The following UBA2 variants were observed in gnomAD, a reference collection of about 807,000 sequenced individuals.
The protein encoded by UBA2 is SUMO-activating enzyme subunit 2.
In UBA2, 11 loss-of-function variants were observed where a neutral mutation model predicts 77.2. The ratio of observed to expected loss-of-function variants is 0.14; its 90% CI spans 0.09 to 0.24. The LOEUF is 0.24. Ranked by LOEUF, UBA2 falls within the 10% of genes least tolerant of loss-of-function variation. The probability of loss-of-function intolerance (pLI) is 1.00; values close to 1 mark genes in which losing one functional copy is unlikely to be tolerated. For missense variants in UBA2, 487 were observed against 781.7 expected (o/e 0.62, Z 4.50); for synonymous variants, 278 against 276.7 (o/e 1.00, Z -0.05).
intron 13 of UBA2, among the ~76,000 whole-genome samples, chr19:34,460,182 C>T (rs193247332): frequency 1.3e-5 from 2 of 152,268 alleles, no homozygotes; most frequent in Admixed American, 1.3e-4. Context: ...GTGTGTAGCT[C>T]ACTACCTAAC....
chr19:34,450,417 AAAGTCTTTGTAT>A, intron 9 of UBA2, 53 bp downstream of exon 9: 1 of 1,313,518 alleles, frequency 7.6e-7, no homozygotes, highest in African/African-American at 1.5e-5. Context: ...ATCCTCGCGT[AAAGTCTTTGTAT>A]AGCCCTGTTG....
chr19:34,468,659 T>C (rs1342006144), intron 16 of UBA2, among the ~76,000 whole-genome samples: 2 of 152,232 alleles, frequency 1.3e-5, no homozygotes, highest in East Asian at 3.8e-4. Context: ...TGAGTTGTCA[T>C]ATGCACAGTG....
intron 9 of UBA2, among the ~76,000 whole-genome samples, chr19:34,451,132 G>T (rs563418086): frequency 6.6e-6 from 1 of 152,202 alleles, no homozygotes; most frequent in Non-Finnish European, 1.5e-5. Flanking sequence ...CTCCTGAGTA[G>T]CTGGGACTGT....
intron 9 of UBA2, among the ~76,000 whole-genome samples, chr19:34,451,150 T>A (rs2075491079): frequency 6.6e-6 from 1 of 151,968 alleles, no homozygotes. Context: ...TGTATGCAAC[T>A]GTGCCCAGCA....
At chr19:34,437,387 A>G (rs1599894077) in intron 5 of UBA2, among the ~76,000 whole-genome samples, 1 of 151,036 alleles carries the variant, frequency 6.6e-6, no homozygotes, top group Admixed American at 6.6e-5. Flanking sequence ...AGGCGGGCGG[A>G]TCACCTGAGG....
At chr19:34,456,103 T>TTC (rs778448025) in intron 12 of UBA2, among the ~76,000 whole-genome samples, 8,296 of 94,530 alleles carry the variant, frequency 0.088, 1,036 homozygotes, top group African/African-American at 0.19. Context: ...TCCTTTTCTT[T>TTC]TTCTTTTTTT....
chr19:34,435,484 T>C (rs1483764783), intron 5 of UBA2, among the ~76,000 whole-genome samples: 1 of 152,148 alleles, frequency 6.6e-6, no homozygotes, highest in Non-Finnish European at 1.5e-5. Context: ...TTCATTTGAC[T>C]TTTGTATTAA....
At chr19:34,433,450 C>T (rs761579972) in intron 4 of UBA2, 38 bp downstream of exon 4, 2 of 1,299,986 alleles carry the variant, frequency 1.5e-6, no homozygotes, top group Admixed American at 1.9e-5. Flanking sequence ...CTCAGTATTT[C>T]CTCTCTCCCA....
At chr19:34,443,143 C>A (rs759973121) in intron 6 of UBA2, among the ~76,000 whole-genome samples, 2 of 152,198 alleles carry the variant, frequency 1.3e-5, no homozygotes, top group African/African-American at 2.4e-5. Flanking sequence ...GAATTTCTAT[C>A]CCCTAGATGG....
chr19:34,451,815 G>C (rs908052469), intron 9 of UBA2, among the ~76,000 whole-genome samples, 166 bp from the exon 10 acceptor site: 1 of 151,904 alleles, frequency 6.6e-6, no homozygotes, highest in Non-Finnish European at 1.5e-5. Flanking sequence ...CAAAGTGCTG[G>C]GATTACAGGC....
rs2145540559 is a variant in UBA2, at chr19:34,452,075, T to C, written c.966T>C (p.Phe322=). 3 of 1,611,192 alleles carry C rather than the reference T, an allele frequency of 1.9e-6. No individual in the cohort carries two copies. In the East Asian group the frequency reaches 6.7e-5, roughly 36 times the overall value. Residue 322 remains phenylalanine (F), a synonymous_variant, in exon 10 of 17, where the codon TTT becomes TTC. Transcript: ENST00000246548. The part of the protein sequence containing the change: ...VLDVKSYARL[F]SKSIETLRVH... ...ATGTAAAGAGCTATGCACGTCTTTT[T>C]TCAAAGAGCATCGAGACTTTGAGAG...
rs555553781 is a variant in UBA2, at chr19:34,456,989, C to T, written c.1246-1780C>T. 2.6e-3 allele frequency among the ~76,000 whole-genome samples: 394 copies of T among 151,030 alleles called. 1 individual carries two copies. The highest frequency in any genetic ancestry group is 6.8e-3 in the Middle Eastern group (2 of 294). On this transcript the variant is annotated intron_variant, in intron 12 of 16. Coordinates refer to ENST00000246548, the MANE Select transcript of UBA2 (RefSeq NM_005499.3). ...TCTGTTATTTCCCATCACATCCTTCCGGTTTCTTTGCCTGCTTAGCTCCAT... is the reference window on the plus strand; with the variant it reads ...TCTGTTATTTCCCATCACATCCTTCTGGTTTCTTTGCCTGCTTAGCTCCAT...
Position 34,469,650 on chromosome 19 carries a change from T to G in UBA2, c.*429T>G, listed in dbSNP as rs1323310127. The G allele has an allele frequency of 6.5e-6, 1 of 152,796 alleles. No homozygotes were observed. Among genetic ancestry groups the G allele is most frequent in the Non-Finnish European group, 1.5e-5 (1 of 68,154 alleles). The allele number at this position is 152,796 out of a possible 1,614,324, so 9.5% of individuals were successfully genotyped here. A position where few individuals can be genotyped will look rare whatever the true frequency, so the allele number is the denominator to read the frequency against. ...ATACTCTTAACTGATTGAAACAGAT[T>G]CAAAGAAGTATCGAGTGCTATGCAT... On this transcript the variant is annotated 3_prime_UTR_variant, in exon 17 of 17. Coordinates refer to ENST00000246548, the MANE Select transcript of UBA2 (RefSeq NM_005499.3).
intron 15 of UBA2, among the ~76,000 whole-genome samples, chr19:34,466,486 A>G (rs2075689670): frequency 6.6e-6 from 1 of 152,256 alleles, no homozygotes; most frequent in African/African-American, 2.4e-5. Context: ...TTACTGTTTT[A>G]AAGAAACAAA....
chr19:34,445,166 G>T (rs1371108869), intron 8 of UBA2, 45 bp downstream of exon 8: 1 of 1,565,788 alleles, frequency 6.4e-7, no homozygotes, highest in Admixed American at 1.9e-5. Context: ...GTATTGTTGT[G>T]CATAGATGTA....
intron 5 of UBA2, among the ~76,000 whole-genome samples, chr19:34,438,428 C>G (rs931104812): frequency 6.6e-6 from 1 of 152,134 alleles, no homozygotes; most frequent in Non-Finnish European, 1.5e-5. Context: ...AACCAGGAGT[C>G]GGCGTCCTGG....
chr19:34,467,113 C>CT (rs2075696214), intron 16 of UBA2, 99 bp downstream of exon 16: 1 of 1,393,214 alleles, frequency 7.2e-7, no homozygotes, highest in Non-Finnish European at 9.9e-7. Flanking sequence ...CATAAAACTA[C>CT]TAGAGGTGTG....
chr19:34,458,711 T>C, intron 12 of UBA2, 58 bp from the exon 13 acceptor site: 2 of 1,485,056 alleles, frequency 1.3e-6, no homozygotes, highest in Non-Finnish European at 9.2e-7. Flanking sequence ...TTTTAGATTG[T>C]ATGGCGTATA....
intron 9 of UBA2, 67 bp downstream of exon 9, chr19:34,450,431 G>T (rs2075480399): frequency 1.8e-6 from 2 of 1,103,244 alleles, no homozygotes; most frequent in African/African-American, 1.6e-5. Context: ...TCTTTGTATA[G>T]CCCTGTTGTT....
Sources: gnomAD v4.1 joint callset for allele counts (sites outside exome capture counted in the v4.1 genomes callset) on GRCh38, gnomAD v4.1.1 for gene constraint, MANE v1.5 for transcripts, NCBI Gene and HGNC (gene_info 2026-07-23, HGNC 2026-07-21) for gene names.